Variants in RGS3 observed in about 807,000 individuals in gnomAD.
The protein encoded by RGS3 is regulator of G-protein signalling 3.
In RGS3, 80 loss-of-function variants were observed where a neutral mutation model predicts 132.6. The observed-to-expected ratio is 0.60, with a 90% CI of 0.50 to 0.73. The LOEUF (loss-of-function observed/expected upper bound fraction) is 0.73, where lower values mean the gene tolerates loss of function less well. Among genes scored for constraint, RGS3 ranks in the 30% least tolerant of loss-of-function variants. The probability of loss-of-function intolerance (pLI) is 0.00; values close to 1 mark genes in which losing one functional copy is unlikely to be tolerated. For synonymous variants in RGS3, 598 were observed against 620.6 expected, an observed-to-expected ratio of 0.96 and a Z score of 0.54; for missense variants, 1,382 against 1,530.8, an observed-to-expected ratio of 0.90 and a Z score of 1.62.
At chr9:113,541,395 T>G (rs2118654560) in intron 19 of RGS3, 1 of 1,613,678 alleles carries the variant, frequency 6.2e-7, no homozygotes, top group Non-Finnish European at 8.5e-7. Flanking sequence ...GGATAGAAGC[T>G]TTACCTCACC....
intron 19 of RGS3, 40 bp downstream of exon 17, chr9:113,536,958 T>C (rs768292680): frequency 6.3e-7 from 1 of 1,593,342 alleles, no homozygotes; most frequent in Non-Finnish European, 8.6e-7. Flanking sequence ...GCTGCCTCGT[T>C]TCCCCTCAGC....
At chr9:113,460,773 A>T (rs1039637352) in intron 1 of RGS3, among the ~76,000 whole-genome samples, 1 of 152,146 alleles carries the variant, frequency 6.6e-6, no homozygotes, top group Non-Finnish European at 1.5e-5. Flanking sequence ...ATTGGGCTAG[A>T]TGATATCTTA....
At chr9:113,508,453 TCCCCTGGGGC>T in intron 13 of RGS3, 78 bp from the exon 12 acceptor site, 1 of 1,471,522 alleles carries the variant, frequency 6.8e-7, no homozygotes, top group South Asian at 1.1e-5. Context: ...CCACTTCCTC[TCCCCTGGGGC>T]CCCCGTGTCC....
At chr9:113,482,832 T>G in intron 4 of RGS3, 1 of 1,014,584 alleles carries the variant, frequency 9.9e-7, no homozygotes, top group South Asian at 1.8e-5. Flanking sequence ...TGCCAGAGAG[T>G]GGAAGATGGT....
chr9:113,519,103 C>T (rs1831812937), intron 16 of RGS3, among the ~76,000 whole-genome samples: 1 of 152,182 alleles, frequency 6.6e-6, no homozygotes, highest in Non-Finnish European at 1.5e-5. Flanking sequence ...GCTCTTGCAG[C>T]ACCCCCATGA....
At chr9:113,526,640 G>A (rs1357949898) in intron 17 of RGS3, among the ~76,000 whole-genome samples, 2 of 152,136 alleles carry the variant, frequency 1.3e-5, no homozygotes, top group African/African-American at 4.8e-5. Flanking sequence ...TTGAGTTTTG[G>A]ATCTCAGATC....
chr9:113,545,424 C>T (rs79862656), intron 19 of RGS3, among the ~76,000 whole-genome samples: 1 of 152,180 alleles, frequency 6.6e-6, no homozygotes, highest in Admixed American at 6.5e-5. Flanking sequence ...CAGCCATCTC[C>T]CCTAAGAGAT....
At chr9:113,445,782 G>A (rs920810451) in intron 1 of RGS3, among the ~76,000 whole-genome samples, 3 of 152,136 alleles carry the variant, frequency 2.0e-5, no homozygotes, top group Admixed American at 2.0e-4. Context: ...GGGTTCAAGC[G>A]ATTCTTGTGC....
At chr9:113,541,116 C>T (rs1588223487) in intron 19 of RGS3, among the ~76,000 whole-genome samples, 1 of 152,198 alleles carries the variant, frequency 6.6e-6, no homozygotes, top group South Asian at 2.1e-4. Context: ...CTGAGGCCTC[C>T]TTGTCTGCTC....
At chr9:113,567,389 A>G (rs1475593736) in intron 19 of RGS3, among the ~76,000 whole-genome samples, 1 of 152,188 alleles carries the variant, frequency 6.6e-6, no homozygotes, top group Non-Finnish European at 1.5e-5. Flanking sequence ...CCTTAGTCGC[A>G]AGGACCTGGC....
intron 20 of RGS3, among the ~76,000 whole-genome samples, chr9:113,590,955 G>GA (rs1352651278): frequency 6.6e-6 from 1 of 152,230 alleles, no homozygotes; most frequent in Non-Finnish European, 1.5e-5. Context: ...CCTGATTTTA[G>GA]AAATTAAGGA....
intron 15 of RGS3, among the ~76,000 whole-genome samples, chr9:113,516,170 C>G (rs1326230367): frequency 1.3e-5 from 2 of 152,186 alleles, no homozygotes; most frequent in African/African-American, 4.8e-5. Context: ...CCCTGGCATC[C>G]CAGTCTGAGC....
intron 18 of RGS3, among the ~76,000 whole-genome samples, chr9:113,533,095 C>T (rs759412213): frequency 1.1e-4 from 16 of 152,160 alleles, no homozygotes; most frequent in African/African-American, 1.2e-4. Flanking sequence ...TCCTCATTGG[C>T]GATGAGACTC....
At chr9:113,586,921 A>G (rs879892282) in intron 20 of RGS3, among the ~76,000 whole-genome samples, 4 of 152,228 alleles carry the variant, frequency 2.6e-5, no homozygotes, top group South Asian at 2.1e-4. Context: ...CCTGGCGCTC[A>G]GCACCTGGTG....
At chr9:113,587,443 C>A (rs189982666) in intron 20 of RGS3, among the ~76,000 whole-genome samples, 1 of 152,192 alleles carries the variant, frequency 6.6e-6, no homozygotes, top group African/African-American at 2.4e-5. Context: ...GCCTCCTCCT[C>A]CCTGGCTCTG....
chr9:113,472,519 C>A (rs1320657159), intron 3 of RGS3, among the ~76,000 whole-genome samples: 1 of 152,122 alleles, frequency 6.6e-6, no homozygotes, highest in Non-Finnish European at 1.5e-5. Context: ...AAGTCAATCA[C>A]AAAAGACCAT....
intron 19 of RGS3, among the ~76,000 whole-genome samples, chr9:113,544,310 T>TC (rs1833022651): frequency 1.3e-5 from 2 of 151,818 alleles, no homozygotes; most frequent in South Asian, 4.2e-4. Flanking sequence ...TTTTTTTTTT[T>TC]TTTTTCTTTT....
upstream of RGS3, among the ~76,000 whole-genome samples, chr9:113,458,159 C>A (rs1054244888): frequency 5.3e-5 from 8 of 152,204 alleles, no homozygotes; most frequent in African/African-American, 7.2e-5. Flanking sequence ...TCAAGCGATC[C>A]GCCTGCCTTG....
chr9:113,498,042 C>G (rs748187721), exon 10 of RGS3: 1 of 1,613,978 alleles, frequency 6.2e-7, no homozygotes, highest in Non-Finnish European at 8.5e-7. Context: ...GCTGAGAATG[C>G]CAGGAGGTGG....
Sources: gnomAD v4.1 joint callset for allele counts (sites outside exome capture counted in the v4.1 genomes callset) on GRCh38, gnomAD v4.1.1 for gene constraint, MANE v1.5 for transcripts, NCBI Gene and HGNC (gene_info 2026-07-23, HGNC 2026-07-21) for gene names.